Variants in MAP4K5 observed in about 807,000 individuals in gnomAD.
MAP4K5 encodes MAPK/ERK kinase kinase kinase 5.
MAP4K5 carries 82 observed loss-of-function variants against 135.6 expected under a neutral mutation model. The ratio of observed to expected loss-of-function variants is 0.60; its 90% CI spans 0.51 to 0.73. The LOEUF (loss-of-function observed/expected upper bound fraction) is 0.73, where lower values mean the gene tolerates loss of function less well. Ranked by LOEUF, MAP4K5 falls within the 30% of genes least tolerant of loss-of-function variation. MAP4K5 has a pLI of 0.00. For missense variants in MAP4K5, 907 were observed against 1,010.9 expected, an observed-to-expected ratio of 0.90 and a Z score of 1.39; for synonymous variants, 347 against 335.0, an observed-to-expected ratio of 1.04 and a Z score of -0.39.
At chr14:50,529,892 T>C (rs2038349540) in intron 2 of MAP4K5, among the ~76,000 whole-genome samples, 5 of 152,002 alleles carry the variant, frequency 3.3e-5, no homozygotes, top group Admixed American at 3.3e-4. Flanking sequence ...GAGTGGTAGA[T>C]GAGGCTGAGA....
At chr14:50,458,311 C>T (rs182871661) in intron 13 of MAP4K5, among the ~76,000 whole-genome samples, 11 of 152,208 alleles carry the variant, frequency 7.2e-5, no homozygotes, top group Middle Eastern at 3.4e-3. Flanking sequence ...CTTGACTCTT[C>T]TATCTATTTT....
At chr14:50,459,396 A>G (rs1470106283) in intron 13 of MAP4K5, among the ~76,000 whole-genome samples, 1 of 152,056 alleles carries the variant, frequency 6.6e-6, no homozygotes, top group Non-Finnish European at 1.5e-5. Flanking sequence ...AAATTAATAC[A>G]CTTTTCTCCA....
Position 50,532,119 on chromosome 14 carries a change from G to T in MAP4K5, c.-70C>A. On this transcript the variant is annotated 5_prime_UTR_variant, in exon 2 of 33. Coordinates refer to ENST00000682126, the MANE Select transcript of MAP4K5 (RefSeq NM_006575.6). ...GGATTCCCGCTAACAAGCACGAACGGCGCCGCTTCCCAACATGGAGCCTCC... is the reference window on the plus strand; with the variant it reads ...GGATTCCCGCTAACAAGCACGAACGTCGCCGCTTCCCAACATGGAGCCTCC... 1.0e-6 allele frequency: 1 copy of T among 972,944 alleles called. No individual in the cohort carries two copies. The allele number at this position is 972,944 out of a possible 1,614,324, so 60.3% of individuals were successfully genotyped here.
At position 50,419,581 on chromosome 14, in the gene MAP4K5, A is replaced by C. The variant is rs1385696731; in HGVS notation, c.*438T>G. The stretch of plus-strand genomic sequence containing the variant: ...AATATTCTGTTTTACAAAAACATAC[A>C]GAATGGCCAATATAAAAGTGAAAAC... On this transcript the variant is annotated 3_prime_UTR_variant, in exon 33 of 33. Transcript: ENST00000682126. 2 of 157,004 alleles carry C rather than the reference A, an allele frequency of 1.3e-5. No homozygotes were observed. Among genetic ancestry groups the C allele is most frequent in the Admixed American group, 6.2e-5 (1 of 16,112 alleles). The allele number at this position is 157,004 out of a possible 1,614,324, so 9.7% of individuals were successfully genotyped here. A position where few individuals can be genotyped will look rare whatever the true frequency, so the allele number is the denominator to read the frequency against.
rs143332226 is a variant in MAP4K5, at chr14:50,503,895, C to A, written c.166+905G>T. On this transcript the variant is annotated intron_variant, in intron 3 of 32. Coordinates refer to ENST00000682126, the MANE Select transcript of MAP4K5 (RefSeq NM_006575.6). The stretch of plus-strand genomic sequence containing the variant: ...AAGGCTTGTATAGTTCTGTTATATT[C>A]CCTATTTGTGTTAGTGACATTTTGG... Among the ~76,000 whole-genome samples, 58 of 152,054 alleles carry A rather than the reference C, an allele frequency of 3.8e-4. No homozygotes were observed. The East Asian group carries it at 5.2e-3, about 14-fold the overall frequency.
intron 2 of MAP4K5, among the ~76,000 whole-genome samples, chr14:50,517,546 T>A (rs1240915936): frequency 6.6e-6 from 1 of 151,948 alleles, no homozygotes; most frequent in Non-Finnish European, 1.5e-5. Flanking sequence ...GGTGGGTGGA[T>A]AACTTGAGGT....
intron 9 of MAP4K5, among the ~76,000 whole-genome samples, chr14:50,470,098 C>T (rs1365903751): frequency 6.6e-6 from 1 of 152,150 alleles, no homozygotes; most frequent in South Asian, 2.1e-4. Context: ...AGGAAAGAGG[C>T]TGAGGTGGAG....
At chr14:50,468,306 A>C (rs1030868166) in intron 10 of MAP4K5, 18 of 176,360 alleles carry the variant, frequency 1.0e-4, no homozygotes, top group Non-Finnish European at 2.0e-4. Flanking sequence ...TTATGAAGAG[A>C]AATTTGTTTT....
At chr14:50,506,587 G>C (rs926139798) in intron 2 of MAP4K5, among the ~76,000 whole-genome samples, 2 of 151,998 alleles carry the variant, frequency 1.3e-5, no homozygotes, top group Admixed American at 6.5e-5. Flanking sequence ...CAAACTCCTG[G>C]GTTCAAGTAA....
chr14:50,513,007 C>T (rs1341380991), intron 2 of MAP4K5, among the ~76,000 whole-genome samples: 1 of 152,064 alleles, frequency 6.6e-6, no homozygotes, highest in East Asian at 1.9e-4. Flanking sequence ...TTTTGGTATA[C>T]ACTAATACTC....
rs766266036 is a variant in MAP4K5 at position 50,532,066 on chromosome 14, G to C, written c.-17C>G. On this transcript the variant is annotated 5_prime_UTR_variant, in exon 2 of 33. Coordinates refer to ENST00000682126, the MANE Select transcript of MAP4K5 (RefSeq NM_006575.6). ...GGCCTCCATCTTCACTTAGGGCCCG[G>C]CCCCCGCCAGCTCACCCCGCGGCTC... 1 of 1,473,894 alleles carries C rather than the reference G, an allele frequency of 6.8e-7. No homozygotes were observed. The highest frequency in any genetic ancestry group is 1.2e-5 in the South Asian group (1 of 82,520). The allele number at this position is 1,473,894 out of a possible 1,614,324, so 91.3% of individuals were successfully genotyped here.
chr14:50,485,024 A>G (rs2037333350), intron 5 of MAP4K5, among the ~76,000 whole-genome samples: 1 of 152,174 alleles, frequency 6.6e-6, no homozygotes, highest in African/African-American at 2.4e-5. Flanking sequence ...AATTGCCAGC[A>G]GCAACAAAAC....
chr14:50,474,694 C>T (rs568846915), intron 9 of MAP4K5, among the ~76,000 whole-genome samples: 80 of 152,122 alleles, frequency 5.3e-4, no homozygotes, highest in Non-Finnish European at 8.8e-4. Flanking sequence ...ACACGTTTAC[C>T]TATGTAACAA....
At chr14:50,560,581 C>T in intron 1 of MAP4K5, 1 of 487,184 alleles carries the variant, frequency 2.1e-6, no homozygotes, top group South Asian at 2.1e-5. Flanking sequence ...AGCATTTGGA[C>T]AGCACCCACC....
At chr14:50,471,423 A>G (rs1489085182) in intron 9 of MAP4K5, among the ~76,000 whole-genome samples, 1 of 152,190 alleles carries the variant, frequency 6.6e-6, no homozygotes, top group Non-Finnish European at 1.5e-5. Flanking sequence ...TACATGATGT[A>G]AGAAACATGA....
At chr14:50,500,748 G>A (rs1267360958) in intron 3 of MAP4K5, among the ~76,000 whole-genome samples, 1 of 152,186 alleles carries the variant, frequency 6.6e-6, no homozygotes, top group Non-Finnish European at 1.5e-5. Flanking sequence ...TTCAGGATGT[G>A]TTCTGGAGGT....
chr14:50,429,402 C>CA (rs2035921416), intron 28 of MAP4K5, 142 bp from the exon 29 acceptor site: 1 of 562,722 alleles, frequency 1.8e-6, no homozygotes, highest in Non-Finnish European at 3.1e-6. Context: ...TGTTATCTTT[C>CA]AAAAAATGCA....
In MAP4K5 at chr14:50,517,304, A is replaced by G. The variant is rs189721765; in HGVS notation, c.109-12447T>C. Among the ~76,000 whole-genome samples the G allele has an allele frequency of 7.3e-3, 1,114 of 151,898 alleles. 12 individuals are homozygous for G. Among genetic ancestry groups the G allele is most frequent in the Non-Finnish European group, 0.013 (899 of 67,930 alleles). ...GTAGCTGGGAGTACAGGCACGTGCC[A>G]CCACGCCCAGCTAATTTTTGTATTT... On this transcript the variant is annotated intron_variant, in intron 2 of 32. Coordinates refer to ENST00000682126, the MANE Select transcript of MAP4K5 (RefSeq NM_006575.6).
intron 1 of MAP4K5, among the ~76,000 whole-genome samples, chr14:50,543,900 A>C (rs2038596175): frequency 6.6e-6 from 1 of 152,200 alleles, no homozygotes; most frequent in Non-Finnish European, 1.5e-5. Context: ...CTTTCCCCAG[A>C]TGACATGGTC....
Sources: allele counts gnomAD v4.1 joint callset (sites outside exome capture counted in the v4.1 genomes callset), GRCh38; gene constraint gnomAD v4.1.1; transcripts MANE v1.5; gene names NCBI Gene and HGNC (gene_info 2026-07-23, HGNC 2026-07-21).